The following SNX7 variants were observed in gnomAD, a reference collection of about 807,000 sequenced individuals.
SNX7 encodes the protein sorting nexin-7.
Under a neutral mutation model 48.4 loss-of-function variants are expected in SNX7, and 35 were observed. That is an observed-to-expected ratio of 0.72 (90% CI 0.55 to 0.96). The LOEUF is 0.96. SNX7 is among the 40% of genes least tolerant of loss of function. The pLI is 0.00. For synonymous variants in SNX7, 190 were observed against 190.2 expected, an observed-to-expected ratio of 1.00 and a Z score of 0.01; for missense variants, 553 against 548.9, an observed-to-expected ratio of 1.01 and a Z score of -0.07.
chr1:98,666,408 A>G (rs1002309520), intron 1 of SNX7, among the ~76,000 whole-genome samples: 1 of 152,184 alleles, frequency 6.6e-6, no homozygotes, highest in African/African-American at 2.4e-5. Flanking sequence ...CTACTGCCGG[A>G]AACGTGCCAA....
chr1:98,713,439 C>T (rs566121655), intron 7 of SNX7, among the ~76,000 whole-genome samples: 53 of 140,946 alleles, frequency 3.8e-4, no homozygotes, highest in African/African-American at 1.3e-3. Context: ...TCCATATCAG[C>T]AATAAGGCTT....
chr1:98,699,927 T>G (rs376521316), intron 6 of SNX7, among the ~76,000 whole-genome samples: 2 of 152,300 alleles, frequency 1.3e-5, no homozygotes, highest in East Asian at 1.9e-4. Context: ...TGATTCTCTT[T>G]CCTCTCTCTA....
intron 7 of SNX7, among the ~76,000 whole-genome samples, chr1:98,734,413 T>C (rs1188404608): frequency 6.6e-6 from 1 of 152,190 alleles, no homozygotes; most frequent in East Asian, 1.9e-4. Flanking sequence ...TGGCTGGTGC[T>C]ATTCAGTCCG....
intron 2 of SNX7, among the ~76,000 whole-genome samples, chr1:98,688,865 AGTTTGGAAGCTTTT>A (rs1463411728): frequency 1.3e-5 from 2 of 152,082 alleles, no homozygotes; most frequent in East Asian, 1.9e-4. Flanking sequence ...TTATTTCTAC[AGTTTGGAAGCTTTT>A]GTTTGGAAGC....
At chr1:98,741,157 T>C (rs1185206299) in intron 8 of SNX7, among the ~76,000 whole-genome samples, 2 of 152,164 alleles carry the variant, frequency 1.3e-5, no homozygotes, top group Middle Eastern at 3.2e-3. Context: ...GAAATACTTC[T>C]TTTTTCATCA....
chr1:98,709,914 A>T (rs979106669), intron 7 of SNX7, among the ~76,000 whole-genome samples: 3 of 152,250 alleles, frequency 2.0e-5, no homozygotes, highest in African/African-American at 7.2e-5. Flanking sequence ...CAATTGTGGA[A>T]GCTCTCTTAT....
intron 6 of SNX7, among the ~76,000 whole-genome samples, chr1:98,701,076 A>G (rs1201787842): frequency 6.6e-6 from 1 of 152,202 alleles, no homozygotes; most frequent in Non-Finnish European, 1.5e-5. Context: ...TCTAAGTTAC[A>G]TGTCTCGGAA....
intron 7 of SNX7, among the ~76,000 whole-genome samples, chr1:98,712,799 A>G (rs886422002): frequency 6.6e-6 from 1 of 151,994 alleles, no homozygotes; most frequent in African/African-American, 2.4e-5. Flanking sequence ...CTCCAATATA[A>G]AACTTTTGTC....
At chr1:98,677,877 C>CAAA (rs11346156) in intron 1 of SNX7, among the ~76,000 whole-genome samples, 2 of 116,570 alleles carry the variant, frequency 1.7e-5, no homozygotes, top group African/African-American at 6.4e-5. Context: ...GACGCTGTCT[C>CAAA]AAAAAAAAAA....
At chr1:98,749,984 A>G (rs1654503381) in intron 8 of SNX7, among the ~76,000 whole-genome samples, 2 of 152,002 alleles carry the variant, frequency 1.3e-5, no homozygotes, top group Non-Finnish European at 2.9e-5. Context: ...TTATCATGGT[A>G]CTCTCTCTAA....
At chr1:98,699,776 T>C (rs1248791285) in intron 6 of SNX7, among the ~76,000 whole-genome samples, 1 of 152,238 alleles carries the variant, frequency 6.6e-6, no homozygotes, top group Non-Finnish European at 1.5e-5. Context: ...CTCTCTCTTG[T>C]TGATCATGTT....
At chr1:98,701,370 G>C (rs1230068764) in intron 6 of SNX7, among the ~76,000 whole-genome samples, 1 of 152,050 alleles carries the variant, frequency 6.6e-6, no homozygotes, top group Non-Finnish European at 1.5e-5. Context: ...TTGATTATCT[G>C]ATCCTTTGGA....
chr1:98,666,926 C>T (rs757818151), intron 1 of SNX7, among the ~76,000 whole-genome samples: 12 of 152,278 alleles, frequency 7.9e-5, no homozygotes, highest in African/African-American at 2.4e-4. Flanking sequence ...CAGCCCTAGC[C>T]GAAGTCCCTG....
rs150770024 is a variant in SNX7 at position 98,669,822 on chromosome 1, C to T, written c.180+7911C>T. Among the ~76,000 whole-genome samples, 4 of 152,336 alleles carry T rather than the reference C, an allele frequency of 2.6e-5. No individual in the cohort carries two copies. In the East Asian group the frequency reaches 7.7e-4, roughly 29 times the overall value. On this transcript the variant is annotated intron_variant, in intron 1 of 8. Transcript: ENST00000306121. ...GAATTAATTTTTTCCAGTCTGTGCT[C>T]TCCATACTAGTGTTTTGAATCATCT...
chr1:98,728,015 CA>C (rs1342967950), intron 7 of SNX7, among the ~76,000 whole-genome samples: 1 of 152,120 alleles, frequency 6.6e-6, no homozygotes, highest in African/African-American at 2.4e-5. Flanking sequence ...GGCCAACATT[CA>C]AATTCAGGAA....
intron 7 of SNX7, among the ~76,000 whole-genome samples, chr1:98,704,790 A>G (rs1310400511): frequency 2.0e-5 from 3 of 152,190 alleles, no homozygotes; most frequent in Admixed American, 6.5e-5. Flanking sequence ...CAGAGACTCC[A>G]TCAAAGTCAC....
chr1:98,698,789 G>T lies in SNX7; in HGVS notation c.922G>T (p.Asp308Tyr). 6.2e-7 allele frequency: 1 copy of T among 1,613,656 alleles called. No homozygotes were observed. Among genetic ancestry groups the T allele is most frequent in the South Asian group, 1.1e-5 (1 of 91,060 alleles). The change falls in exon 6 of 9, where the codon GAT (aspartate) becomes TAT (tyrosine). Residue 308 changes from aspartate (D) to tyrosine (Y), a missense_variant. Physicochemically the swap from Asp to Tyr is radical, Grantham distance 160 (BLOSUM62 -3). Transcript: ENST00000306121. ...AGAGGATCTGGTTGATACTCTAAAG[G>T]ATGTTGCCAGCTGCATTGACAGATG... ...SEEDLVDTLKDVASCIDRCCK... is the reference protein window; with the variant it reads ...SEEDLVDTLKYVASCIDRCCK...
chr1:98,674,286 A>G (rs746123721), intron 1 of SNX7, among the ~76,000 whole-genome samples: 8 of 152,220 alleles, frequency 5.3e-5, no homozygotes, highest in Non-Finnish European at 8.8e-5. Context: ...AGTGTCTTAC[A>G]TAACAGAAAT....
At chr1:98,677,209 T>TA (rs1436506598) in intron 1 of SNX7, 1 of 152,258 alleles carries the variant, frequency 6.6e-6, no homozygotes, top group African/African-American at 2.4e-5. Context: ...AATTTAAAGT[T>TA]TACTGTAATT....
Sources: allele counts gnomAD v4.1 joint callset (sites outside exome capture counted in the v4.1 genomes callset), GRCh38; gene constraint gnomAD v4.1.1; transcripts MANE v1.5; gene names NCBI Gene and HGNC (gene_info 2026-07-23, HGNC 2026-07-21).